The following TNIP3 variants were observed in gnomAD, a reference collection of about 807,000 sequenced individuals.
The protein encoded by TNIP3 is TNFAIP3 interacting protein 3.
In TNIP3, 34 loss-of-function variants were observed where a neutral mutation model predicts 54.1. The observed-to-expected ratio is 0.63, with a 90% CI of 0.48 to 0.84. The LOEUF (loss-of-function observed/expected upper bound fraction) is 0.84, where lower values mean the gene tolerates loss of function less well. TNIP3 is among the 40% of genes least tolerant of loss of function. The pLI, the probability that TNIP3 is intolerant of heterozygous loss-of-function variation, is 0.00. For synonymous variants in TNIP3, 134 were observed against 136.8 expected, an observed-to-expected ratio of 0.98 and a Z score of 0.14; for missense variants, 366 against 387.6, an observed-to-expected ratio of 0.94 and a Z score of 0.47.
intron 5 of TNIP3, among the ~76,000 whole-genome samples, chr4:121,151,433 C>A (rs2148806614): frequency 6.6e-6 from 1 of 152,146 alleles, no homozygotes; most frequent in South Asian, 2.1e-4. Context: ...CAAATACTGT[C>A]TAGCCTGATA....
intron 5 of TNIP3, among the ~76,000 whole-genome samples, chr4:121,153,278 C>T (rs1461458002): frequency 6.6e-6 from 1 of 152,106 alleles, no homozygotes; most frequent in African/African-American, 2.4e-5. Context: ...GATACACAAA[C>T]ATGAAGAGTG....
chr4:121,161,486 G>T (rs897311602), intron 1 of TNIP3, among the ~76,000 whole-genome samples: 25 of 151,906 alleles, frequency 1.6e-4, no homozygotes, highest in African/African-American at 5.8e-4. Flanking sequence ...TACTATAACG[G>T]GTAAGTCAGA....
chr4:121,176,514 TATGATGATGATGATGATG>T (rs70948383), intron 3 of TNIP3, among the ~76,000 whole-genome samples: 30 of 147,180 alleles, frequency 2.0e-4, no homozygotes, highest in African/African-American at 7.5e-4. Flanking sequence ...CTACTAGCAT[TATGATGATGATGATGATG>T]ATGATGATGA....
chr4:121,132,724 G>A (rs1728546204), intron 10 of TNIP3, 62 bp from the exon 11 acceptor site: 15 of 1,469,642 alleles, frequency 1.0e-5, no homozygotes, highest in Non-Finnish European at 1.4e-5. Context: ...CTCTTCTTCT[G>A]GCTTAAGGCT....
intron 6 of TNIP3, among the ~76,000 whole-genome samples, chr4:121,149,141 A>G (rs1271389093): frequency 1.3e-5 from 2 of 152,242 alleles, no homozygotes; most frequent in African/African-American, 2.4e-5. Context: ...AGTTTAACCA[A>G]TGCAGTATCT....
intron 2 of TNIP3, among the ~76,000 whole-genome samples, chr4:121,191,413 G>GA (rs1380737242): frequency 1.3e-5 from 2 of 152,124 alleles, no homozygotes; most frequent in African/African-American, 4.8e-5. Context: ...CACATGCACA[G>GA]AAAAATTATG....
chr4:121,223,040 C>T (rs556096574), intron 1 of TNIP3, among the ~76,000 whole-genome samples: 26 of 152,128 alleles, frequency 1.7e-4, no homozygotes, highest in African/African-American at 6.3e-4. Flanking sequence ...CTCCTGACCT[C>T]GTGATCCGCC....
intron 2 of TNIP3, among the ~76,000 whole-genome samples, chr4:121,191,895 A>G (rs1725326448): frequency 6.6e-6 from 1 of 152,180 alleles, no homozygotes; most frequent in Non-Finnish European, 1.5e-5. Flanking sequence ...AATTTTATTC[A>G]AATCTTTGGA....
At chr4:121,184,655 A>C (rs1724907978) in intron 2 of TNIP3, among the ~76,000 whole-genome samples, 1 of 152,192 alleles carries the variant, frequency 6.6e-6, no homozygotes, top group Admixed American at 6.5e-5. Context: ...TTATTTTTAA[A>C]GCTAGCTTTG....
At chr4:121,147,787 A>G (rs1429833811) in intron 6 of TNIP3, among the ~76,000 whole-genome samples, 2 of 152,226 alleles carry the variant, frequency 1.3e-5, no homozygotes, top group Non-Finnish European at 2.9e-5. Flanking sequence ...TACTACTTAT[A>G]TTGGAACCTA....
chr4:121,158,676 G>C lies in TNIP3; in HGVS notation c.213+11C>G, dbSNP rs200491379. The C allele has an allele frequency of 3.0e-5, 48 of 1,592,522 alleles. No individual in the cohort carries two copies. The highest frequency in any genetic ancestry group is 4.0e-5 in the Non-Finnish European group (47 of 1,161,568). On this transcript the variant is annotated intron_variant, in intron 3 of 10. Coordinates refer to ENST00000057513, the MANE Select transcript of TNIP3 (RefSeq NM_024873.6). ...CTTTAAAGAAAATACCGAATAGAGA[G>C]AGGTATTTACCTTTCTTTCATATAA...
intron 2 of TNIP3, among the ~76,000 whole-genome samples, chr4:121,185,089 T>C (rs1724937029): frequency 1.3e-5 from 2 of 152,242 alleles, no homozygotes; most frequent in African/African-American, 4.8e-5. Context: ...GAAAAGTTAC[T>C]GAGCCACTTC....
At chr4:121,203,998 T>A (rs776730625) in intron 2 of TNIP3, among the ~76,000 whole-genome samples, 27 of 150,074 alleles carry the variant, frequency 1.8e-4, no homozygotes, top group Non-Finnish European at 3.1e-4. Context: ...AAACAAATAT[T>A]GTATTATATA....
At chr4:121,186,371 G>A (rs557200850) in intron 2 of TNIP3, among the ~76,000 whole-genome samples, 70 of 152,290 alleles carry the variant, frequency 4.6e-4, no homozygotes, top group African/African-American at 1.6e-3. Flanking sequence ...GCACAGTAAG[G>A]ACTTGCACTC....
At chr4:121,205,072 C>A (rs1471784510) in intron 2 of TNIP3, among the ~76,000 whole-genome samples, 1 of 152,058 alleles carries the variant, frequency 6.6e-6, no homozygotes, top group Non-Finnish European at 1.5e-5. Context: ...GTCTAGTTAG[C>A]ATTTTAACAG....
intron 2 of TNIP3, among the ~76,000 whole-genome samples, chr4:121,203,216 TATAGATAGATAGATAG>T (rs148903658): frequency 4.8e-5 from 7 of 146,964 alleles, no homozygotes; most frequent in African/African-American, 1.0e-4. Context: ...GAAAATGTGA[TATAGATAGATAGATAG>T]ATAGATAGAT....
At chr4:121,171,209 C>T (rs1406937762) in intron 3 of TNIP3, among the ~76,000 whole-genome samples, 1 of 152,200 alleles carries the variant, frequency 6.6e-6, no homozygotes, top group Non-Finnish European at 1.5e-5. Flanking sequence ...ATAGACTCTC[C>T]AAACTCTAGA....
chr4:121,203,330 G>T (rs1231645687), intron 2 of TNIP3, among the ~76,000 whole-genome samples: 1 of 152,126 alleles, frequency 6.6e-6, no homozygotes, highest in Non-Finnish European at 1.5e-5. Flanking sequence ...AGCCTGGATA[G>T]AATTAGAGAC....
In TNIP3 at chr4:121,141,889, C is replaced by A; in HGVS notation, c.812G>T (p.Gly271Val). ...KQMYCPPCNCGLVFHLQDPWV... is the reference protein window; with the variant it reads ...KQMYCPPCNCVLVFHLQDPWV... The stretch of plus-strand genomic sequence containing the variant: ...TGGATCTTGCAGGTGGAAAACCAAG[C>A]CGCAGTTACAGGGTGGGCAATACAT... The change falls in exon 9 of 11, where the codon GGC (glycine) becomes GTC (valine). Residue 271 changes from glycine (G) to valine (V), a missense_variant. Coordinates refer to ENST00000057513, the MANE Select transcript of TNIP3 (RefSeq NM_024873.6). 2 of 1,598,802 alleles carry A rather than the reference C, an allele frequency of 1.3e-6. No individual in the cohort carries two copies. The highest frequency in any genetic ancestry group is 1.7e-6 in the Non-Finnish European group (2 of 1,172,746).
Sources: allele counts gnomAD v4.1 joint callset (sites outside exome capture counted in the v4.1 genomes callset), GRCh38; gene constraint gnomAD v4.1.1; transcripts MANE v1.5; gene names NCBI Gene and HGNC (gene_info 2026-07-23, HGNC 2026-07-21).